Variants in MCC observed in about 807,000 individuals in gnomAD.
MCC encodes MCC regulator of Wnt signaling pathway, also known as colorectal mutant cancer protein.
In MCC, 90 loss-of-function variants were observed where a neutral mutation model predicts 116.2. The observed-to-expected ratio is 0.77, with a 90% CI of 0.65 to 0.92. MCC has a LOEUF of 0.92. MCC is among the 40% of genes least tolerant of loss of function. The pLI, the probability that MCC is intolerant of heterozygous loss-of-function variation, is 0.00. For synonymous variants in MCC, 578 were observed against 510.5 expected, an observed-to-expected ratio of 1.13 and a Z score of -1.78; for missense variants, 1,516 against 1,312.2, an observed-to-expected ratio of 1.16 and a Z score of -2.40.
At chr5:113,300,769 C>T (rs13170435) in intron 3 of MCC, among the ~76,000 whole-genome samples, 17,772 of 152,146 alleles carry the variant, frequency 0.12, 1,248 homozygotes, top group Non-Finnish European at 0.17. Flanking sequence ...GATCAATTAC[C>T]GGACCAGCTC....
rs2150284976 is a variant in MCC at position 113,141,846 on chromosome 5, A to AC, written c.884+1371_884+1372insG. Among the ~76,000 whole-genome samples, 3 of 152,252 alleles carry AC rather than the reference A, an allele frequency of 2.0e-5. No individual in the cohort carries two copies. The South Asian group carries it at 6.2e-4, about 32-fold the overall frequency. Reference sequence around the variant, plus strand: ...TGATGTGTATTTTTTCATATTTTGTATTTTTCACAACTTACTGAGCCCATT... The same window carrying AC: ...TGATGTGTATTTTTTCATATTTTGTACTTTTTCACAACTTACTGAGCCCATT... On this transcript the variant is annotated intron_variant, in intron 5 of 18. Transcript: ENST00000408903.
chr5:113,270,025 A>C (rs1765553073), intron 3 of MCC, among the ~76,000 whole-genome samples: 1 of 152,242 alleles, frequency 6.6e-6, no homozygotes, highest in East Asian at 1.9e-4. Flanking sequence ...TGTTTCAGGG[A>C]AAGAGGTGGG....
intron 2 of MCC, among the ~76,000 whole-genome samples, chr5:113,352,322 C>T (rs529708484): frequency 1.7e-4 from 26 of 152,278 alleles, no homozygotes; most frequent in African/African-American, 6.3e-4. Flanking sequence ...GGCTCATATG[C>T]AGCCTCTTGA....
In MCC at chr5:113,104,083, A is replaced by C. The variant is rs994216199; in HGVS notation, c.1191+109T>G. 5.2e-6 allele frequency: 6 copies of C among 1,146,558 alleles called. No individual in the cohort carries two copies. The African/African-American group carries it at 6.2e-5, about 12-fold the overall frequency. 71.0% of individuals were successfully genotyped at this position (1,146,558 alleles called of 1,614,324 possible). On this transcript the variant is annotated intron_variant, in intron 7 of 18. Transcript: ENST00000408903. ...TCAATCTATTGTATGGCTCTCATGG[A>C]AACATTCATCCCTAGTAAGTATTTA...
intron 1 of MCC, among the ~76,000 whole-genome samples, chr5:113,474,845 C>T (rs1772195162): frequency 6.6e-6 from 1 of 152,182 alleles, no homozygotes; most frequent in Non-Finnish European, 1.5e-5. Flanking sequence ...CAGTGACTTT[C>T]ATCCTGTTTA....
rs756253011 is a variant in MCC, at chr5:113,101,787, C to G, written c.1350G>C (p.Lys450Asn). The G allele has an allele frequency of 1.2e-6, 2 of 1,613,564 alleles. No homozygotes were observed. Among genetic ancestry groups the G allele is most frequent in the Non-Finnish European group, 1.7e-6 (2 of 1,180,026 alleles). Residue 450 changes from lysine to asparagine, a missense_variant, in exon 8 of 19, where the codon AAG becomes AAC. Coordinates refer to ENST00000408903, the MANE Select transcript of MCC (RefSeq NM_001085377.2). ...CTTCCCGGATGGCATTCATGGTGGCCTTAGTCCGGTTCAGTTCTTCCTCTT... is the reference window on the plus strand; with the variant it reads ...CTTCCCGGATGGCATTCATGGTGGCGTTAGTCCGGTTCAGTTCTTCCTCTT... ...CSKEEELNRT[K>N]ATMNAIREER...
At chr5:113,120,403 C>A (rs1757668734) in intron 6 of MCC, among the ~76,000 whole-genome samples, 1 of 152,204 alleles carries the variant, frequency 6.6e-6, no homozygotes, top group Admixed American at 6.5e-5. Context: ...CAACATACAG[C>A]TCTCAATGGC....
rs576409202 is a variant in MCC, at chr5:113,141,734, T to C, written c.884+1484A>G. The stretch of plus-strand genomic sequence containing the variant: ...TTAAATTAAAGGCACCAATAAATGT[T>C]TGTAGTCAAGAAGCTCACTGCATTT... On this transcript the variant is annotated intron_variant, in intron 5 of 18. Coordinates refer to ENST00000408903, the MANE Select transcript of MCC (RefSeq NM_001085377.2). Among the ~76,000 whole-genome samples, 4 of 152,344 alleles carry C rather than the reference T, an allele frequency of 2.6e-5. No individual in the cohort carries two copies. In the East Asian group the frequency reaches 7.7e-4, roughly 29 times the overall value.
intron 3 of MCC, among the ~76,000 whole-genome samples, chr5:113,338,352 G>C (rs1767921150): frequency 6.6e-6 from 1 of 152,138 alleles, no homozygotes. Context: ...TCTGTGCCTT[G>C]ACTCCCCTGA....
intron 2 of MCC, among the ~76,000 whole-genome samples, chr5:113,342,823 A>G (rs1768047532): frequency 6.6e-6 from 1 of 152,238 alleles, no homozygotes; most frequent in Non-Finnish European, 1.5e-5. Flanking sequence ...AGTATTGATA[A>G]GGTGAGACAT....
chr5:113,119,480 A>G (rs1757607492), intron 6 of MCC, among the ~76,000 whole-genome samples: 1 of 152,208 alleles, frequency 6.6e-6, no homozygotes, highest in Non-Finnish European at 1.5e-5. Flanking sequence ...CTGGAGGAAC[A>G]GCAAGCCAGG....
chr5:113,024,311 C>T lies in MCC; in HGVS notation c.*2991G>A, dbSNP rs1750376283. On this transcript the variant is annotated 3_prime_UTR_variant, in exon 19 of 19. Transcript: ENST00000408903. ...AGCCAGCCGATGAGGATGAAAGTTT[C>T]AATAAGGAATCATACTGTTCCCCAG... 6.6e-6 allele frequency: 1 copy of T among 152,230 alleles called. No individual in the cohort carries two copies. Among genetic ancestry groups the T allele is most frequent in the South Asian group, 2.1e-4 (1 of 4,830 alleles). 9.4% of individuals were successfully genotyped at this position (152,230 alleles called of 1,614,324 possible). A position where few individuals can be genotyped will look rare whatever the true frequency, so the allele number is the denominator to read the frequency against.
intron 2 of MCC, among the ~76,000 whole-genome samples, chr5:113,365,054 C>T (rs578218448): frequency 6.6e-5 from 10 of 152,332 alleles, no homozygotes; most frequent in Non-Finnish European, 8.8e-5. Context: ...CTTCTACTTA[C>T]ACAAATTTAT....
intron 17 of MCC, among the ~76,000 whole-genome samples, chr5:113,042,723 C>G (rs1346333750): frequency 6.6e-6 from 1 of 151,522 alleles, no homozygotes; most frequent in Non-Finnish European, 1.5e-5. Context: ...CTTGAAATGT[C>G]TGAATTTGAG....
At chr5:113,227,861 A>G (rs767088663) in intron 3 of MCC, among the ~76,000 whole-genome samples, 1 of 152,204 alleles carries the variant, frequency 6.6e-6, no homozygotes, top group Non-Finnish European at 1.5e-5. Context: ...TGCCATGGAA[A>G]TCCTACAGTA....
chr5:113,320,273 C>T (rs1407073203), intron 3 of MCC, among the ~76,000 whole-genome samples: 1 of 151,914 alleles, frequency 6.6e-6, no homozygotes, highest in African/African-American at 2.4e-5. Context: ...CACACACACA[C>T]AATTAGTTGT....
intron 6 of MCC, among the ~76,000 whole-genome samples, chr5:113,118,000 T>C (rs1455522650): frequency 6.6e-6 from 1 of 152,136 alleles, no homozygotes; most frequent in African/African-American, 2.4e-5. Flanking sequence ...CCGAGGAGTA[T>C]CAAAGGAAAG....
intron 3 of MCC, among the ~76,000 whole-genome samples, chr5:113,296,690 C>A: frequency 6.6e-6 from 1 of 152,044 alleles, no homozygotes; most frequent in South Asian, 2.1e-4. Context: ...AAAAAATGGG[C>A]CTTCTCAATA....
chr5:113,352,696 ACT>A (rs1768306533), intron 2 of MCC, among the ~76,000 whole-genome samples: 1 of 151,896 alleles, frequency 6.6e-6, no homozygotes, highest in South Asian at 2.1e-4. Context: ...TCATGAATGC[ACT>A]CTCTCAAATT....
Sources: gnomAD v4.1 joint callset for allele counts (sites outside exome capture counted in the v4.1 genomes callset) on GRCh38, gnomAD v4.1.1 for gene constraint, MANE v1.5 for transcripts, NCBI Gene and HGNC (gene_info 2026-07-23, HGNC 2026-07-21) for gene names.